Variants in LAMA1 observed in about 807,000 individuals in gnomAD.
The protein encoded by LAMA1 is laminin subunit alpha-1.
A neutral mutation model predicts 348.7 loss-of-function variants in LAMA1; 219 were observed. The observed-to-expected ratio is 0.63, with a 90% CI of 0.56 to 0.70. LAMA1 has a LOEUF of 0.70. Among genes scored for constraint, LAMA1 ranks in the 30% least tolerant of loss-of-function variants. The pLI is 0.00. For synonymous variants in LAMA1, 1,487 were observed against 1,491.0 expected, an observed-to-expected ratio of 1.00 and a Z score of 0.06; for missense variants, 3,744 against 3,888.0, an observed-to-expected ratio of 0.96 and a Z score of 0.99.
chr18:6,982,520 T>C lies in LAMA1; in HGVS notation c.5867A>G (p.Asn1956Ser), dbSNP rs117433399. ...QRSSRFLKEGNNLSRKLPGIA... is the reference protein window; with the variant it reads ...QRSSRFLKEGSNLSRKLPGIA... ...ACCTGGAAGCTTCCTGCTGAGGTTG[T>C]TGCCTTCTTTTAGAAATCTGGAGCT... is the stretch of plus-strand genomic sequence containing the variant. Residue 1956 changes from asparagine (N) to serine (S), a missense_variant, in exon 41 of 63, where the codon AAC becomes AGC. This residue lies in a region of LAMA1 where 1,983 missense variants were observed against 1,934.3 expected (regional missense o/e 1.03). Coordinates refer to ENST00000389658, the MANE Select transcript of LAMA1 (RefSeq NM_005559.4). 3,495 of 1,614,174 alleles carry C rather than the reference T, an allele frequency of 2.2e-3. 6 individuals carry two copies. Among genetic ancestry groups the C allele is most frequent in the Non-Finnish European group, 2.7e-3 (3,158 of 1,180,020 alleles).
chr18:7,037,833 A>T (rs1237795584), intron 11 of LAMA1, 82 bp from the exon 12 acceptor site: 4 of 1,386,730 alleles, frequency 2.9e-6, no homozygotes, highest in East Asian at 2.4e-5. Flanking sequence ...ATATTTTCAC[A>T]ATGAAGAAAT....
At chr18:7,046,208 A>G in intron 6 of LAMA1, 70 bp downstream of exon 6, 1 of 972,074 alleles carries the variant, frequency 1.0e-6, no homozygotes, top group African/African-American at 1.6e-5. Flanking sequence ...AATAAAAAAG[A>G]GTAATGCAAA....
intron 5 of LAMA1, among the ~76,000 whole-genome samples, chr18:7,046,652 C>A (rs957464990): frequency 7.9e-5 from 12 of 152,084 alleles, no homozygotes; most frequent in African/African-American, 2.9e-4. Flanking sequence ...TTATTGAAAA[C>A]CGTAAAATAA....
Position 6,997,873 on chromosome 18 carries a change from C to T in LAMA1, c.4675G>A (p.Glu1559Lys), listed in dbSNP as rs1189814376. The change falls in exon 33 of 63, where the codon GAG becomes AAG. Residue 1559 changes from glutamate (E) to lysine (K), a missense_variant. By Grantham distance (56) the Glu-to-Lys change is moderately conservative. Transcript: ENST00000389658. Reference sequence around the variant, plus strand: ...TCATTCAGCAGCACACCTACACACTCATCATCACAGGCTACAAGACAAATT... The same window carrying T: ...TCATTCAGCAGCACACCTACACACTTATCATCACAGGCTACAAGACAAATT... ...METDCVSCDDECVGVLLNDLD... is the reference protein window; with the variant it reads ...METDCVSCDDKCVGVLLNDLD... 1 of 1,614,128 alleles carries T rather than the reference C, an allele frequency of 6.2e-7. No individual in the cohort carries two copies.
At position 7,039,071 on chromosome 18, in the gene LAMA1, T is replaced by A. The variant is rs966276598; in HGVS notation, c.1423-121A>T. Reference sequence around the variant, plus strand: ...GAGACAGGTGAATAAACGTCCAAAGTAAAGGTGAGGCCTCATAAAGTCAAT... The same window carrying A: ...GAGACAGGTGAATAAACGTCCAAAGAAAAGGTGAGGCCTCATAAAGTCAAT... On this transcript the variant is annotated intron_variant, in intron 10 of 62. Transcript: ENST00000389658. The A allele has an allele frequency of 2.1e-5, 17 of 824,436 alleles. No homozygotes were observed. In the African/African-American group the frequency reaches 2.3e-4, roughly 11 times the overall value. 51.1% of individuals were successfully genotyped at this position (824,436 alleles called of 1,614,324 possible). A position where few individuals can be genotyped will look rare whatever the true frequency, so the allele number is the denominator to read the frequency against.
chr18:7,072,865 C>G (rs1259762921), intron 3 of LAMA1, among the ~76,000 whole-genome samples: 2 of 152,114 alleles, frequency 1.3e-5, no homozygotes, highest in African/African-American at 4.8e-5. Context: ...TAGTGGGAGG[C>G]TGGAGGGCTG....
chr18:6,949,319 G>T, intron 58 of LAMA1, 60 bp from the exon 59 acceptor site: 1 of 1,507,654 alleles, frequency 6.6e-7, no homozygotes, highest in Non-Finnish European at 9.2e-7. Context: ...TTTAACAGAT[G>T]TATAAACTTT....
chr18:6,992,742 T>C (rs2057764424), intron 35 of LAMA1, 22 bp from the exon 36 acceptor site: 1 of 1,600,744 alleles, frequency 6.2e-7, no homozygotes, highest in Non-Finnish European at 8.6e-7. Context: ...ATTCATCAAT[T>C]ATTTAATAAG....
intron 36 of LAMA1, among the ~76,000 whole-genome samples, chr18:6,988,175 T>C (rs192087485): frequency 3.3e-5 from 5 of 152,306 alleles, no homozygotes; most frequent in Admixed American, 2.0e-4. Context: ...ATGACTCTTC[T>C]ATCTAAACTA....
At chr18:6,999,882 G>T in intron 31 of LAMA1, 29 bp downstream of exon 31, 1 of 1,589,220 alleles carries the variant, frequency 6.3e-7, no homozygotes. Flanking sequence ...AGTGCCCAGG[G>T]ATTTCCACAT....
At chr18:6,949,603 T>G (rs2057537318) in intron 58 of LAMA1, among the ~76,000 whole-genome samples, 1 of 152,222 alleles carries the variant, frequency 6.6e-6, no homozygotes, top group South Asian at 2.1e-4. Flanking sequence ...GGAATTTAGT[T>G]GATAGTTTAA....
At chr18:6,995,307 C>A (rs1429066825) in intron 34 of LAMA1, 50 bp downstream of exon 34, 3 of 1,269,032 alleles carry the variant, frequency 2.4e-6, no homozygotes, top group African/African-American at 2.9e-5. Context: ...CTCAGGAGGG[C>A]TGATGGGAGG....
Position 6,978,252 on chromosome 18 carries a change from C to G in LAMA1, c.6134G>C (p.Arg2045Thr). The stretch of plus-strand genomic sequence containing the variant: ...TGTCTCTCGTAATGTGGTGTTGACC[C>G]TGGACAGGCTGGCAGATGTGTTCAG... The part of the protein sequence containing the change: ...ELLNTSASLS[R>T]VNTTLRETHQ... Residue 2045 changes from arginine (R) to threonine (T), a missense_variant, in exon 43 of 63, where the codon AGG (arginine) becomes ACG (threonine). Arg to Thr is a moderately conservative substitution (Grantham distance 71). Around this residue, in one of 3 missense-constraint regions of LAMA1, gnomAD observed 1,983 missense variants for 1,934.3 expected, o/e 1.03. Transcript: ENST00000389658. The G allele has an allele frequency of 1.9e-6, 3 of 1,614,214 alleles. No homozygotes were observed. Among genetic ancestry groups the G allele is most frequent in the Non-Finnish European group, 2.5e-6 (3 of 1,180,038 alleles).
intron 19 of LAMA1, among the ~76,000 whole-genome samples, chr18:7,019,949 T>C (rs1450041135): frequency 1.3e-5 from 2 of 152,124 alleles, no homozygotes; most frequent in Non-Finnish European, 2.9e-5. Flanking sequence ...CCCAAAGTGC[T>C]GAGATTACAG....
chr18:7,086,661 A>G (rs989217491), intron 1 of LAMA1, among the ~76,000 whole-genome samples: 5 of 152,162 alleles, frequency 3.3e-5, no homozygotes, highest in African/African-American at 9.7e-5. Context: ...GCTCGCGTGA[A>G]TGACGATAAT....
chr18:7,077,980 C>G (rs1419590428), intron 3 of LAMA1, among the ~76,000 whole-genome samples: 1 of 146,034 alleles, frequency 6.8e-6, no homozygotes, highest in East Asian at 2.2e-4. Flanking sequence ...AGGAGAATCG[C>G]GTGAACCCGG....
At chr18:6,998,974 A>C (rs538937475) in intron 32 of LAMA1, among the ~76,000 whole-genome samples, 1 of 152,274 alleles carries the variant, frequency 6.6e-6, no homozygotes, top group South Asian at 2.1e-4. Context: ...CGGAGGTTGC[A>C]ATAAGCCGAG....
rs370702868 is a variant in LAMA1 at position 7,011,289 on chromosome 18, G to A, written c.3687+11C>T. The A allele has an allele frequency of 2.2e-5, 35 of 1,609,628 alleles. No homozygotes were observed. The African/African-American group carries it at 2.8e-4, about 13-fold the overall frequency. On this transcript the variant is annotated intron_variant, in intron 25 of 62. Transcript: ENST00000389658. The stretch of plus-strand genomic sequence containing the variant: ...AGCACCGACTGGCTCTCGGCTGGGC[G>A]TGCACCTCACCTGGTCTCCTTGGAA...
At chr18:6,993,254 GC>G (rs2057766459) in intron 35 of LAMA1, among the ~76,000 whole-genome samples, 1 of 152,060 alleles carries the variant, frequency 6.6e-6, no homozygotes, top group South Asian at 2.1e-4. Context: ...AAAAGCCACA[GC>G]ACACCCAACT....
Sources: allele counts gnomAD v4.1 joint callset (sites outside exome capture counted in the v4.1 genomes callset), GRCh38; gene constraint gnomAD v4.1.1; regional missense constraint gnomAD v4.1.1; transcripts MANE v1.5; gene names NCBI Gene and HGNC (gene_info 2026-07-23, HGNC 2026-07-21).